Variants in RAB38 observed in about 807,000 individuals in gnomAD.
The protein encoded by RAB38 is RAB38, member RAS oncogene family, also known as ras-related protein Rab-38.
In RAB38, 15 loss-of-function variants were observed where a neutral mutation model predicts 18.4. The observed-to-expected ratio is 0.82, with a 90% CI of 0.55 to 1.26. The LOEUF is 1.26. RAB38 is among the 50% of genes most tolerant of loss of function. The probability of loss-of-function intolerance (pLI) is 0.00; values close to 1 mark genes in which losing one functional copy is unlikely to be tolerated. For synonymous variants in RAB38, 101 were observed against 104.4 expected (o/e 0.97, Z 0.20); for missense variants, 294 against 267.4 (o/e 1.10, Z -0.69).
At chr11:87,907,524 AAAGTTTTAT>A in the RAB38 span, among the ~76,000 whole-genome samples, 1 of 151,676 alleles carries the variant, frequency 6.6e-6, no homozygotes, top group Non-Finnish European at 1.5e-5. Context: ...TTTAGTTTTA[AAAGTTTTAT>A]ATAAACAATA....
chr11:88,010,723 A>G, the RAB38 span, among the ~76,000 whole-genome samples: 1 of 152,134 alleles, frequency 6.6e-6, no homozygotes, highest in Non-Finnish European at 1.5e-5. Flanking sequence ...TCCTGCAAAT[A>G]CTGTTATTCC....
chr11:88,025,078 T>G, the RAB38 span, among the ~76,000 whole-genome samples: 1 of 152,068 alleles, frequency 6.6e-6, no homozygotes, highest in African/African-American at 2.4e-5. Flanking sequence ...CAATTTTCCA[T>G]GATGCGATTA....
the RAB38 span, among the ~76,000 whole-genome samples, chr11:87,904,691 T>C: frequency 3.7e-4 from 52 of 139,880 alleles, no homozygotes; most frequent in Non-Finnish European, 2.9e-4. Flanking sequence ...TAATTTACAT[T>C]CCCTCCAACA....
At chr11:87,807,932 C>T in the RAB38 span, among the ~76,000 whole-genome samples, 1 of 152,182 alleles carries the variant, frequency 6.6e-6, no homozygotes, top group East Asian at 1.9e-4. Context: ...AGAAACAAGT[C>T]TGTTTTTCCT....
At chr11:87,864,513 C>T in the RAB38 span, among the ~76,000 whole-genome samples, 12 of 151,584 alleles carry the variant, frequency 7.9e-5, no homozygotes, top group South Asian at 2.5e-3. Flanking sequence ...ACATAATATT[C>T]TTGTTTCATG....
At chr11:87,884,170 A>G in the RAB38 span, among the ~76,000 whole-genome samples, 13 of 152,094 alleles carry the variant, frequency 8.5e-5, no homozygotes, top group African/African-American at 3.1e-4. Context: ...CCTGTAGGTC[A>G]CCTATAAATA....
At chr11:87,857,996 G>C in the RAB38 span, among the ~76,000 whole-genome samples, 1 of 152,054 alleles carries the variant, frequency 6.6e-6, no homozygotes, top group African/African-American at 2.4e-5. Flanking sequence ...TATGGTTTTA[G>C]GTTTAACATT....
In RAB38 at chr11:88,119,952, C is replaced by T. The variant is rs560683676; in HGVS notation, c.484-5812G>A. 2.0e-5 allele frequency among the ~76,000 whole-genome samples: 3 copies of T among 152,284 alleles called. No homozygotes were observed. The East Asian group carries it at 5.8e-4, about 29-fold the overall frequency. On this transcript the variant is annotated intron_variant, in intron 2 of 2. Transcript: ENST00000243662. The stretch of plus-strand genomic sequence containing the variant: ...AGATTTAGCACTTGTTTATTGAGCA[C>T]ATAAGTGGCAAAGATTTTGCTAGCT...
At position 88,152,914 on chromosome 11, in the gene RAB38, C is replaced by G. The variant is rs544421377; in HGVS notation, c.203-2959G>C. Among the ~76,000 whole-genome samples, 62 of 152,368 alleles carry G rather than the reference C, an allele frequency of 4.1e-4. 1 individual carries two copies. The highest frequency in any genetic ancestry group is 1.5e-3 in the African/African-American group (62 of 41,584). ...AATTTCTAAACTAAGTTTTGTCACA[C>G]TGGATTACTGCACTGAAAATAATCC... On this transcript the variant is annotated intron_variant, in intron 1 of 2. Coordinates refer to ENST00000243662, the MANE Select transcript of RAB38 (RefSeq NM_022337.3).
chr11:88,106,317 T>A, the RAB38 span, among the ~76,000 whole-genome samples: 6 of 152,088 alleles, frequency 3.9e-5, no homozygotes, highest in African/African-American at 1.4e-4. Flanking sequence ...GATTAAGGAG[T>A]CCAATGAATA....
chr11:87,947,708 GTAT>G, the RAB38 span, among the ~76,000 whole-genome samples: 1 of 152,094 alleles, frequency 6.6e-6, no homozygotes. Flanking sequence ...TAGATGTGTG[GTAT>G]TATTTGAGGG....
the RAB38 span, among the ~76,000 whole-genome samples, chr11:87,845,361 G>A: frequency 6.6e-6 from 1 of 152,050 alleles, no homozygotes; most frequent in African/African-American, 2.4e-5. Context: ...CACATGTGAG[G>A]TGAATTAGAA....
chr11:87,903,508 G>A, the RAB38 span, among the ~76,000 whole-genome samples: 1 of 151,432 alleles, frequency 6.6e-6, no homozygotes, highest in Non-Finnish European at 1.5e-5. Flanking sequence ...GAAGGATATT[G>A]GTCTCTTGTG....
At chr11:88,120,606 G>A (rs1942617139) in intron 2 of RAB38, among the ~76,000 whole-genome samples, 2 of 152,188 alleles carry the variant, frequency 1.3e-5, no homozygotes, top group Non-Finnish European at 2.9e-5. Flanking sequence ...TGTCAGCATG[G>A]AGAAATGGGA....
chr11:87,934,852 A>G, the RAB38 span, among the ~76,000 whole-genome samples: 1 of 152,168 alleles, frequency 6.6e-6, no homozygotes, highest in Non-Finnish European at 1.5e-5. Context: ...ACACTGAGGT[A>G]GCAGTTGCAG....
chr11:88,055,368 A>G, the RAB38 span, among the ~76,000 whole-genome samples: 1 of 152,232 alleles, frequency 6.6e-6, no homozygotes, highest in South Asian at 2.1e-4. Flanking sequence ...ATTAACCTTA[A>G]ATAGCAATAT....
chr11:87,924,885 T>G, the RAB38 span, among the ~76,000 whole-genome samples: 1 of 152,012 alleles, frequency 6.6e-6, no homozygotes, highest in Non-Finnish European at 1.5e-5. Context: ...TGTGTGTATG[T>G]GTGTGAGTGC....
At chr11:88,156,405 C>T (rs925600226) in intron 1 of RAB38, among the ~76,000 whole-genome samples, 1 of 152,168 alleles carries the variant, frequency 6.6e-6, no homozygotes, top group Non-Finnish European at 1.5e-5. Context: ...AAATTCCAAT[C>T]AAGAATGTCA....
At chr11:87,818,343 T>C in the RAB38 span, among the ~76,000 whole-genome samples, 5 of 152,264 alleles carry the variant, frequency 3.3e-5, no homozygotes, top group South Asian at 2.1e-4. Flanking sequence ...AATAACACTA[T>C]TGAGATTTAC....
Sources: allele counts gnomAD v4.1 joint callset (sites outside exome capture counted in the v4.1 genomes callset), GRCh38; gene constraint gnomAD v4.1.1; transcripts MANE v1.5; gene names NCBI Gene and HGNC (gene_info 2026-07-23, HGNC 2026-07-21).